The following GTF2IRD1 variants were observed in gnomAD, a reference collection of about 807,000 sequenced individuals.
The protein encoded by GTF2IRD1 is GTF2I repeat domain containing 1.
Under a neutral mutation model 113.2 loss-of-function variants are expected in GTF2IRD1, and 26 were observed. The ratio of observed to expected loss-of-function variants is 0.23; its 90% CI spans 0.17 to 0.32. The LOEUF is 0.32. Ranked by LOEUF, GTF2IRD1 falls within the 10% of genes least tolerant of loss-of-function variation. GTF2IRD1 has a pLI of 1.00. For missense variants in GTF2IRD1, 864 were observed against 1,280.8 expected (o/e 0.67, Z 4.97); for synonymous variants, 484 against 529.1 (o/e 0.91, Z 1.17).
intron 20 of GTF2IRD1, among the ~76,000 whole-genome samples, chr7:74,558,343 G>A (rs1365668260): frequency 5.4e-5 from 4 of 74,012 alleles, no homozygotes; most frequent in South Asian, 3.8e-4. Context: ...TTTTTCTTTC[G>A]TTTCTTTTTT....
intron 1 of GTF2IRD1, among the ~76,000 whole-genome samples, chr7:74,466,399 T>C (rs1460843960): frequency 1.3e-5 from 2 of 152,116 alleles, no homozygotes; most frequent in South Asian, 2.1e-4. Flanking sequence ...CTGTATCTGA[T>C]GGCCTCACTC....
rs557488309 is a variant in GTF2IRD1 at position 74,496,642 on chromosome 7, G to T, written c.-6-11433G>T. Among the ~76,000 whole-genome samples the T allele has an allele frequency of 2.0e-5, 3 of 150,844 alleles. No individual in the cohort carries two copies. The East Asian group carries it at 5.9e-4, about 30-fold the overall frequency. ...TGTGCGTGTGGGTGTGCATGTATGTGTGCGTGTGGGTGTGTGTGTGAGTGT... is the reference window on the plus strand; with the variant it reads ...TGTGCGTGTGGGTGTGCATGTATGTTTGCGTGTGGGTGTGTGTGTGAGTGT... On this transcript the variant is annotated intron_variant, in intron 1 of 26. Transcript: ENST00000424337.
chr7:74,588,720 C>T (rs1191778398), intron 22 of GTF2IRD1, among the ~76,000 whole-genome samples: 4 of 152,038 alleles, frequency 2.6e-5, no homozygotes, highest in South Asian at 2.1e-4. Flanking sequence ...TTAGTACAGA[C>T]GGGGTTTCAC....
chr7:74,568,555 G>A (rs1227976485), intron 22 of GTF2IRD1, among the ~76,000 whole-genome samples: 1 of 152,080 alleles, frequency 6.6e-6, no homozygotes, highest in African/African-American at 2.4e-5. Flanking sequence ...GGCTGAGTCA[G>A]GAGAATGGCG....
intron 1 of GTF2IRD1, among the ~76,000 whole-genome samples, chr7:74,504,224 G>A (rs868938243): frequency 1.0e-4 from 15 of 143,832 alleles, no homozygotes; most frequent in Admixed American, 2.9e-4. Context: ...GAACAGATGC[G>A]TCTCTCACCT....
chr7:74,587,295 A>G (rs1554368095), intron 22 of GTF2IRD1, among the ~76,000 whole-genome samples: 1 of 152,048 alleles, frequency 6.6e-6, no homozygotes, highest in African/African-American at 2.4e-5. Context: ...ATATACAAAA[A>G]TTAACCGGAC....
At chr7:74,573,043 G>C (rs1554363118) in intron 22 of GTF2IRD1, among the ~76,000 whole-genome samples, 2 of 152,080 alleles carry the variant, frequency 1.3e-5, no homozygotes, top group African/African-American at 4.8e-5. Context: ...TGGGGTCATT[G>C]CAACACCATT....
intron 1 of GTF2IRD1, among the ~76,000 whole-genome samples, chr7:74,494,492 G>T (rs1554337437): frequency 6.6e-6 from 1 of 152,202 alleles, no homozygotes; most frequent in Admixed American, 6.5e-5. Context: ...CGCCTTTGGG[G>T]ACCTGGCTGC....
At chr7:74,464,436 G>A (rs2284263) in intron 1 of GTF2IRD1, among the ~76,000 whole-genome samples, 1 of 135,152 alleles carries the variant, frequency 7.4e-6, no homozygotes, top group Non-Finnish European at 1.6e-5. Context: ...TTACTTTGTT[G>A]TTTTTGTTGT....
intron 22 of GTF2IRD1, among the ~76,000 whole-genome samples, chr7:74,571,563 TC>T (rs1800696677): frequency 6.6e-6 from 1 of 152,158 alleles, no homozygotes; most frequent in South Asian, 2.1e-4. Flanking sequence ...AGGAACTATG[TC>T]AAATTACATG....
intron 20 of GTF2IRD1, among the ~76,000 whole-genome samples, chr7:74,558,364 T>TG (rs1799739786): frequency 8.2e-6 from 1 of 121,280 alleles, no homozygotes; most frequent in Non-Finnish European, 1.8e-5. Context: ...TTTTTTTTTT[T>TG]TTTTTTTTTT....
At chr7:74,543,872 C>CAAAAAAAA (rs782039486) in intron 14 of GTF2IRD1, among the ~76,000 whole-genome samples, 4 of 34,566 alleles carry the variant, frequency 1.2e-4, no homozygotes, top group Non-Finnish European at 1.2e-4. Context: ...CCCATCTCTA[C>CAAAAAAAA]AAAAAAAAAA....
chr7:74,555,510 C>T lies in GTF2IRD1; in HGVS notation c.2023+16C>T, dbSNP rs1554356555. 8 of 1,498,436 alleles carry T rather than the reference C, an allele frequency of 5.3e-6. No individual in the cohort carries two copies. The highest frequency in any genetic ancestry group is 1.1e-5 in the South Asian group (1 of 88,690). The allele number at this position is 1,498,436 out of a possible 1,614,324, so 92.8% of individuals were successfully genotyped here. A position where few individuals can be genotyped will look rare whatever the true frequency, so the allele number is the denominator to read the frequency against. ...GGCTTTCAAGGTAAGGTTGAGCTCA[C>T]GGGGAGGTCTGTTGTCCCAGCACCA... is the stretch of plus-strand genomic sequence containing the variant. On this transcript the variant is annotated intron_variant, in intron 19 of 26. Coordinates refer to ENST00000424337, the MANE Select transcript of GTF2IRD1 (RefSeq NM_005685.4). The surrounding 1 kb of genome is among the most constrained non-coding windows in gnomAD (Gnocchi z 5.3).
At chr7:74,585,143 T>C (rs1801649642) in intron 22 of GTF2IRD1, among the ~76,000 whole-genome samples, 2 of 147,784 alleles carry the variant, frequency 1.4e-5, no homozygotes, top group Non-Finnish European at 3.0e-5. Flanking sequence ...GACGGAGTCT[T>C]GCTCTGTCGC....
chr7:74,579,552 AG>A (rs1801286256), intron 22 of GTF2IRD1, among the ~76,000 whole-genome samples: 1 of 149,574 alleles, frequency 6.7e-6, no homozygotes, highest in African/African-American at 2.5e-5. Flanking sequence ...TGGGAGGCGG[AG>A]GTTGCAGTGA....
chr7:74,596,562 T>C (rs797039760), intron 25 of GTF2IRD1, among the ~76,000 whole-genome samples: 7 of 151,774 alleles, frequency 4.6e-5, no homozygotes, highest in African/African-American at 1.7e-4. Context: ...AGAATCACTT[T>C]AGTCCAGGAG....
chr7:74,491,529 CCA>C (rs1554336703), intron 1 of GTF2IRD1, among the ~76,000 whole-genome samples: 12 of 151,722 alleles, frequency 7.9e-5, no homozygotes, highest in African/African-American at 1.9e-4. Flanking sequence ...CTCTCTGTGT[CCA>C]TGTGTTCTCA....
At chr7:74,482,915 G>C (rs1283405457) in intron 1 of GTF2IRD1, among the ~76,000 whole-genome samples, 1 of 152,202 alleles carries the variant, frequency 6.6e-6, no homozygotes, top group Non-Finnish European at 1.5e-5. Flanking sequence ...AAACAGATCA[G>C]GTCTTGCGCT....
chr7:74,507,794 T>A (rs1229129658), intron 1 of GTF2IRD1: 8 of 356,676 alleles, frequency 2.2e-5, no homozygotes, highest in Non-Finnish European at 3.6e-5. Flanking sequence ...GAGGTGGCAG[T>A]TGGGGCCTGT....
Sources: gnomAD v4.1 joint callset for allele counts (sites outside exome capture counted in the v4.1 genomes callset) on GRCh38, gnomAD v4.1.1 for gene constraint, Gnocchi (gnomAD v3.1) non-coding constraint, MANE v1.5 for transcripts, NCBI Gene and HGNC (gene_info 2026-07-23, HGNC 2026-07-21) for gene names.